Variants in PCDHGB6 observed in about 807,000 individuals in gnomAD.
PCDHGB6 encodes the protein protocadherin gamma subfamily B, 6, also known as protocadherin gamma-B6.
A neutral mutation model predicts 59.1 loss-of-function variants in PCDHGB6; 51 were observed. The ratio of observed to expected loss-of-function variants is 0.86; its 90% CI spans 0.69 to 1.09. The LOEUF (loss-of-function observed/expected upper bound fraction) is 1.09. Ranked by LOEUF, PCDHGB6 falls within the 50% of genes least tolerant of loss-of-function variation. The probability of loss-of-function intolerance (pLI) is 0.00; values close to 1 mark genes in which losing one functional copy is unlikely to be tolerated. For missense variants in PCDHGB6, 1,148 were observed against 1,205.1 expected (o/e 0.95, Z 0.70); for synonymous variants, 466 against 495.1 (o/e 0.94, Z 0.78).
At chr5:141,474,722 C>G (rs1562046141) in intron 1 of PCDHGB6, among the ~76,000 whole-genome samples, 1 of 152,216 alleles carries the variant, frequency 6.6e-6, no homozygotes, top group Non-Finnish European at 1.5e-5. Flanking sequence ...TTCAAAAGGA[C>G]TCTATGCAAT....
chr5:141,496,621 C>A (rs1297797187), intron 2 of PCDHGB6, among the ~76,000 whole-genome samples: 1 of 152,214 alleles, frequency 6.6e-6, no homozygotes. Context: ...AGCAGCAGAT[C>A]AAAAGGCTTG....
At position 141,410,013 on chromosome 5, in the gene PCDHGB6, T is replaced by A. The variant is rs770463619; in HGVS notation, c.1811T>A (p.Leu604Gln). The change falls in exon 1 of 4, where the codon CTG (leucine) becomes CAG (glutamine). Residue 604 changes from leucine to glutamine, a missense_variant. By Grantham distance (113) the Leu-to-Gln change is moderately radical. Around this residue, in one of 5 missense-constraint regions of PCDHGB6, gnomAD observed 549 missense variants for 527.5 expected, o/e 1.04. Coordinates refer to ENST00000520790, the MANE Select transcript of PCDHGB6 (RefSeq NM_018926.3). ...VDADSGHNAW[L>Q]SYHVLQASEP... ...GCCGACTCGGGACACAACGCCTGGC[T>A]GTCCTACCACGTGCTGCAGGCCAGT... 1 of 1,613,296 alleles carries A rather than the reference T, an allele frequency of 6.2e-7. No individual in the cohort carries two copies. Among genetic ancestry groups the A allele is most frequent in the East Asian group, 2.2e-5 (1 of 44,870 alleles).
In PCDHGB6 at chr5:141,408,676, G is replaced by A. The variant is rs1315766272; in HGVS notation, c.474G>A (p.Thr158=). 2 of 1,613,652 alleles carry A rather than the reference G, an allele frequency of 1.2e-6. No individual in the cohort carries two copies. The highest frequency in any genetic ancestry group is 1.7e-6 in the Non-Finnish European group (2 of 1,179,776). ...CACGACTATCGCTTGACCCTGCCAC[G>A]GATCCTGATATAAACATAAACTCAA... ...AGTRLSLDPA[T]DPDININSIK... Residue 158 remains threonine, a synonymous_variant, in exon 1 of 4, where the codon ACG becomes ACA. Coordinates refer to ENST00000520790, the MANE Select transcript of PCDHGB6 (RefSeq NM_018926.3).
intron 1 of PCDHGB6, chr5:141,421,895 GA>G: frequency 6.2e-7 from 1 of 1,613,730 alleles, no homozygotes; most frequent in African/African-American, 1.3e-5. Flanking sequence ...GATCCCATCC[GA>G]AAGGGCGCAG....
intron 1 of PCDHGB6, chr5:141,420,939 C>A: frequency 2.6e-6 from 1 of 387,512 alleles, no homozygotes; most frequent in South Asian, 5.2e-5. Context: ...GTAATCATTT[C>A]TTCTGGAATT....
chr5:141,509,550 T>C (rs1562240751), intron 3 of PCDHGB6, among the ~76,000 whole-genome samples: 1 of 152,142 alleles, frequency 6.6e-6, no homozygotes, highest in Non-Finnish European at 1.5e-5. Flanking sequence ...TCTCATTTAG[T>C]CCTCACAGCA....
In PCDHGB6 at chr5:141,409,355, A is replaced by G. The variant is rs778227478; in HGVS notation, c.1153A>G (p.Asn385Asp). ...DFGGNGEVRC[N>D]IETDIPFKIY... The stretch of plus-strand genomic sequence containing the variant: ...CGGAGGAAATGGAGAAGTCAGGTGT[A>G]ATATAGAAACAGACATTCCATTCAA... Residue 385 changes from asparagine (N) to aspartate (D), a missense_variant, in exon 1 of 4, where the codon AAT becomes GAT. By Grantham distance (23) the Asn-to-Asp change is conservative. Transcript: ENST00000520790. 1 of 1,614,032 alleles carries G rather than the reference A, an allele frequency of 6.2e-7. No individual in the cohort carries two copies. The highest frequency in any genetic ancestry group is 1.1e-5 in the South Asian group (1 of 91,088).
intron 1 of PCDHGB6, chr5:141,424,126 G>C: frequency 9.3e-6 from 5 of 538,222 alleles, no homozygotes; most frequent in Non-Finnish European, 1.2e-5. Flanking sequence ...TGATCCTGTT[G>C]ATTTAATAGC....
rs947567666 is a variant in PCDHGB6, at chr5:141,422,270, T to C, written c.2418+11650T>C. ...GATGTGAATGATAACGCTCCAGAAA[T>C]AACTATCACCTCTTCTATTAATTCA... On this transcript the variant is annotated intron_variant, in intron 1 of 3. Transcript: ENST00000520790. 2.6e-6 allele frequency: 4 copies of C among 1,562,452 alleles called. No homozygotes were observed. The East Asian group carries it at 9.0e-5, about 35-fold the overall frequency.
At chr5:141,456,342 G>A (rs1439003615) in intron 1 of PCDHGB6, among the ~76,000 whole-genome samples, 1 of 152,114 alleles carries the variant, frequency 6.6e-6, no homozygotes, top group African/African-American at 2.4e-5. Context: ...AAGGGTCCTC[G>A]GAAGAATGGC....
intron 1 of PCDHGB6, among the ~76,000 whole-genome samples, chr5:141,446,322 C>A (rs1561922470): frequency 2.0e-5 from 3 of 151,968 alleles, no homozygotes; most frequent in South Asian, 4.1e-4. Flanking sequence ...TGGGTTTCCA[C>A]ATTAAGGAAC....
intron 1 of PCDHGB6, among the ~76,000 whole-genome samples, chr5:141,479,041 C>T (rs1346986831): frequency 1.2e-4 from 18 of 152,100 alleles, no homozygotes; most frequent in Admixed American, 1.2e-3. Flanking sequence ...AGATCGTGTA[C>T]CTCATTCTCA....
chr5:141,417,713 C>G, intron 1 of PCDHGB6: 1 of 1,271,750 alleles, frequency 7.9e-7, no homozygotes, highest in Non-Finnish European at 1.1e-6. Flanking sequence ...CAGAGGCTCC[C>G]GGCTGCGCAG....
intron 1 of PCDHGB6, chr5:141,419,136 A>G: frequency 1.9e-6 from 3 of 1,613,918 alleles, no homozygotes; most frequent in Non-Finnish European, 1.7e-6. Context: ...GCAGCCACAG[A>G]CAGGGGCAAG....
intron 1 of PCDHGB6, among the ~76,000 whole-genome samples, chr5:141,463,049 T>C (rs529642816): frequency 3.9e-4 from 60 of 152,326 alleles, no homozygotes; most frequent in African/African-American, 1.3e-3. Context: ...CAGCAGGGTC[T>C]CTTTATTATG....
At position 141,434,771 on chromosome 5, in the gene PCDHGB6, TA is replaced by T. The variant is rs36031641; in HGVS notation, c.2418+24164del. On this transcript the variant is annotated intron_variant, in intron 1 of 3. Transcript: ENST00000520790. ...CCCCTGATTCCCCACTTCACACTTC[TA>T]AAAAAAAAAAAATTTTTTTTTCTGA... 2.5e-3 allele frequency among the ~76,000 whole-genome samples: 362 copies of T among 145,286 alleles called. 1 individual carries two copies. The highest frequency in any genetic ancestry group is 0.011 in the Middle Eastern group (3 of 280).
chr5:141,448,966 A>G (rs981772425), intron 1 of PCDHGB6, among the ~76,000 whole-genome samples: 5 of 152,118 alleles, frequency 3.3e-5, no homozygotes, highest in Non-Finnish European at 7.4e-5. Context: ...CAAACAAACA[A>G]AAAAGAACTT....
chr5:141,420,956 T>C lies in PCDHGB6; in HGVS notation c.2418+10336T>C, dbSNP rs17097281. 2.2e-3 allele frequency: 904 copies of C among 416,864 alleles called. 5 individuals carry two copies. The highest frequency in any genetic ancestry group is 0.016 in the African/African-American group (760 of 48,560). 25.8% of individuals were successfully genotyped at this position (416,864 alleles called of 1,614,324 possible). A position where few individuals can be genotyped will look rare whatever the true frequency, so the allele number is the denominator to read the frequency against. Reference sequence around the variant, plus strand: ...AATCATTTCTTCTGGAATTTCTTAGTCGTTGCAATAATAAGAATGGGCTCT... The same window carrying C: ...AATCATTTCTTCTGGAATTTCTTAGCCGTTGCAATAATAAGAATGGGCTCT... On this transcript the variant is annotated intron_variant, in intron 1 of 3. Coordinates refer to ENST00000520790, the MANE Select transcript of PCDHGB6 (RefSeq NM_018926.3).
chr5:141,475,731 C>T (rs991175739), intron 1 of PCDHGB6, among the ~76,000 whole-genome samples: 1 of 152,248 alleles, frequency 6.6e-6, no homozygotes, highest in African/African-American at 2.4e-5. Context: ...GGCTGGCTTT[C>T]CCTAAGGTAG....
Sources: allele counts gnomAD v4.1 joint callset (sites outside exome capture counted in the v4.1 genomes callset), GRCh38; gene constraint gnomAD v4.1.1; regional missense constraint gnomAD v4.1.1; transcripts MANE v1.5; gene names NCBI Gene and HGNC (gene_info 2026-07-23, HGNC 2026-07-21).